FAM110B: variants seen among roughly 807,000 people sequenced by gnomAD.
FAM110B encodes protein FAM110B.
Under a neutral mutation model 20.4 loss-of-function variants are expected in FAM110B, and 6 were observed. The observed-to-expected ratio is 0.29, with a 90% CI of 0.16 to 0.58. The LOEUF is 0.58. FAM110B is among the 20% of genes least tolerant of loss of function. The probability of loss-of-function intolerance (pLI) is 0.90; values close to 1 mark genes in which losing one functional copy is unlikely to be tolerated. For missense variants in FAM110B, 434 were observed against 498.2 expected, an observed-to-expected ratio of 0.87 and a Z score of 1.23; for synonymous variants, 226 against 214.1, an observed-to-expected ratio of 1.06 and a Z score of -0.49.
At chr8:58,037,910 C>CG (rs549916860) in intron 2 of FAM110B, among the ~76,000 whole-genome samples, 1 of 152,120 alleles carries the variant, frequency 6.6e-6, no homozygotes, top group Non-Finnish European at 1.5e-5. Context: ...CTACAGTTAA[C>CG]GCTTCATCTC....
intron 3 of FAM110B, among the ~76,000 whole-genome samples, chr8:58,102,630 A>G (rs899451902): frequency 1.3e-5 from 2 of 152,176 alleles, no homozygotes; most frequent in African/African-American, 4.8e-5. Flanking sequence ...AGTGTATCTC[A>G]CATGCAACGA....
Position 57,994,741 on chromosome 8 carries a change from T to G in FAM110B, c.-577T>G, listed in dbSNP as rs909465502. 1.3e-5 allele frequency: 2 copies of G among 152,080 alleles called. No individual in the cohort carries two copies. The highest frequency in any genetic ancestry group is 2.9e-5 in the Non-Finnish European group (2 of 68,124). The allele number at this position is 152,080 out of a possible 1,614,324, so 9.4% of individuals were successfully genotyped here. ...CTCGCGGGCCCCGACTCTCCCTCCT[T>G]GCAGTCCCCCGGAGCCTGGCTCCCG... On this transcript the variant is annotated 5_prime_UTR_variant, in exon 1 of 4. Coordinates refer to ENST00000519262, the MANE Select transcript of FAM110B (RefSeq NM_001377989.1).
rs1472101914 is a variant in FAM110B at position 58,146,422 on chromosome 8, C to T, written c.192C>T (p.Ser64=). Residue 64 remains serine (S), a synonymous_variant, in exon 4 of 4, where the codon AGC becomes AGT. Coordinates refer to ENST00000519262, the MANE Select transcript of FAM110B (RefSeq NM_001377989.1). ...LEADKAKYVK[S]QEVINAKQEP... ...CCGACAAGGCCAAGTACGTCAAGAG[C>T]CAGGAGGTGATCAACGCCAAGCAGG... 1.2e-6 allele frequency: 2 copies of T among 1,613,894 alleles called. No homozygotes were observed. The highest frequency in any genetic ancestry group is 3.3e-5 in the Admixed American group (2 of 60,024).
intron 3 of FAM110B, among the ~76,000 whole-genome samples, chr8:58,108,079 T>G (rs1294128050): frequency 6.6e-6 from 1 of 152,100 alleles, no homozygotes; most frequent in Non-Finnish European, 1.5e-5. Context: ...TATACATGAG[T>G]TTATATGAAG....
intron 3 of FAM110B, among the ~76,000 whole-genome samples, chr8:58,114,723 A>G (rs1230688537): frequency 1.3e-5 from 2 of 152,198 alleles, no homozygotes; most frequent in South Asian, 4.1e-4. Flanking sequence ...CCTGTTCTAA[A>G]TGGGTCCCAT....
intron 1 of FAM110B, among the ~76,000 whole-genome samples, chr8:58,019,336 C>CAAAAAAAAAAAAAAAAAAAAAGAAAAGA: frequency 1.3e-5 from 1 of 78,374 alleles, no homozygotes; most frequent in Non-Finnish European, 2.2e-5. Flanking sequence ...GACTCTGTCT[C>CAAAAAAAAAAAAAAAAAAAAAGAAAAGA]AAAAAAAAAA....
rs73681744 is a variant in FAM110B at position 58,022,801 on chromosome 8, A to C, written c.-511-8805A>C. 2.9e-3 allele frequency among the ~76,000 whole-genome samples: 447 copies of C among 152,354 alleles called. 4 individuals are homozygous for C. Among genetic ancestry groups the C allele is most frequent in the African/African-American group, 0.01 (433 of 41,590 alleles). On this transcript the variant is annotated intron_variant, in intron 1 of 3. Coordinates refer to ENST00000519262, the MANE Select transcript of FAM110B (RefSeq NM_001377989.1). ...ATCATTGCCACCTGCTCTGGAAAGC[A>C]CTTGAAGAAGGCTCCAATTATACTT...
chr8:58,140,893 AT>A (rs1262583648), intron 3 of FAM110B, among the ~76,000 whole-genome samples: 1 of 152,092 alleles, frequency 6.6e-6, no homozygotes, highest in African/African-American at 2.4e-5. Context: ...CATTCATTCG[AT>A]TCACATTTAC....
intron 3 of FAM110B, among the ~76,000 whole-genome samples, chr8:58,081,895 A>C (rs1057275820): frequency 2.0e-5 from 3 of 152,118 alleles, no homozygotes; most frequent in Non-Finnish European, 4.4e-5. Context: ...TACCATGTGC[A>C]TTTATTTATA....
At chr8:58,034,111 G>A (rs2150573965) in intron 2 of FAM110B, among the ~76,000 whole-genome samples, 1 of 152,292 alleles carries the variant, frequency 6.6e-6, no homozygotes, top group African/African-American at 2.4e-5. Flanking sequence ...GCCTACTATG[G>A]CCGAGGGACA....
chr8:58,037,185 G>A (rs1209478011), intron 2 of FAM110B, among the ~76,000 whole-genome samples: 1 of 151,922 alleles, frequency 6.6e-6, no homozygotes, highest in Non-Finnish European at 1.5e-5. Flanking sequence ...ACTATCTATA[G>A]TAAATGCATT....
chr8:58,083,599 C>T (rs1316415369), intron 3 of FAM110B, among the ~76,000 whole-genome samples: 1 of 152,070 alleles, frequency 6.6e-6, no homozygotes, highest in Admixed American at 6.5e-5. Flanking sequence ...GTGTTAATTC[C>T]GCTATTTCGG....
chr8:58,146,102 G>C lies in FAM110B; in HGVS notation c.-129G>C. ...TGTGAGATGAGGCGCTGCTGCGGCC[G>C]CTGCTGCTGACACTCGCTCCCAGGC... On this transcript the variant is annotated 5_prime_UTR_variant, in exon 4 of 4. Coordinates refer to ENST00000519262, the MANE Select transcript of FAM110B (RefSeq NM_001377989.1). 9.2e-7 allele frequency: 1 copy of C among 1,089,134 alleles called. No homozygotes were observed. Among genetic ancestry groups the C allele is most frequent in the Non-Finnish European group, 1.3e-6 (1 of 775,408 alleles). The allele number at this position is 1,089,134 out of a possible 1,614,324, so 67.5% of individuals were successfully genotyped here.
At chr8:58,027,586 C>T (rs773152049) in intron 1 of FAM110B, among the ~76,000 whole-genome samples, 2 of 152,112 alleles carry the variant, frequency 1.3e-5, no homozygotes, top group East Asian at 1.9e-4. Flanking sequence ...TTCTGTCGGG[C>T]GTCTTTGCAG....
chr8:58,079,654 G>T (rs183775571), intron 3 of FAM110B, among the ~76,000 whole-genome samples: 12 of 151,982 alleles, frequency 7.9e-5, no homozygotes, highest in African/African-American at 2.7e-4. Flanking sequence ...TGTGGCATGC[G>T]CCTGTAGTTC....
intron 2 of FAM110B, among the ~76,000 whole-genome samples, chr8:58,046,056 AAT>A (rs1053875338): frequency 6.6e-6 from 1 of 152,098 alleles, no homozygotes; most frequent in Non-Finnish European, 1.5e-5. Flanking sequence ...TTTGTATCCT[AAT>A]CATCTCCCAA....
intron 3 of FAM110B, among the ~76,000 whole-genome samples, chr8:58,135,865 G>T (rs1378200265): frequency 6.6e-6 from 1 of 152,128 alleles, no homozygotes; most frequent in Non-Finnish European, 1.5e-5. Context: ...ACAGCACAAA[G>T]ACTTATAAAC....
intron 3 of FAM110B, among the ~76,000 whole-genome samples, chr8:58,086,717 G>A (rs191268958): frequency 1.3e-5 from 2 of 152,294 alleles, no homozygotes; most frequent in Admixed American, 6.5e-5. Context: ...TGCCACCTTT[G>A]CAAAGTTCCC....
intron 2 of FAM110B, among the ~76,000 whole-genome samples, chr8:58,049,405 T>C (rs1805395008): frequency 6.6e-6 from 1 of 151,980 alleles, no homozygotes; most frequent in Non-Finnish European, 1.5e-5. Flanking sequence ...AGCTAGTCTT[T>C]TTTTTTTTTA....
Sources: gnomAD v4.1 joint callset for allele counts (sites outside exome capture counted in the v4.1 genomes callset) on GRCh38, gnomAD v4.1.1 for gene constraint, MANE v1.5 for transcripts, NCBI Gene and HGNC (gene_info 2026-07-23, HGNC 2026-07-21) for gene names.